The following CYFIP1 variants were observed in gnomAD, a reference collection of about 807,000 sequenced individuals.
The protein encoded by CYFIP1 is cytoplasmic FMR1 interacting protein 1.
In CYFIP1, 58 loss-of-function variants were observed where a neutral mutation model predicts 163.5. That is an observed-to-expected ratio of 0.35 (90% confidence interval 0.29 to 0.44). The LOEUF is 0.44. Ranked by LOEUF, CYFIP1 falls within the 20% of genes least tolerant of loss-of-function variation. CYFIP1 has a pLI of 1.00. For synonymous variants in CYFIP1, 663 were observed against 660.7 expected, an observed-to-expected ratio of 1.00 and a Z score of -0.05; for missense variants, 1,338 against 1,653.8, an observed-to-expected ratio of 0.81 and a Z score of 3.31.
chr15:22,980,180 G>T (rs1004529860), intron 1 of CYFIP1, 107 bp downstream of exon 1: 2 of 149,782 alleles, frequency 1.3e-5, no homozygotes, highest in Non-Finnish European at 3.0e-5. Flanking sequence ...GGGGGGGAGG[G>T]GGGGGTCCGT....
At position 22,903,740 on chromosome 15, in the gene CYFIP1, G is replaced by A; in HGVS notation, c.2554C>T (p.Leu852=). The change falls in exon 22 of 31, where the codon CTG becomes TTG. Residue 852 remains leucine, a synonymous_variant. Transcript: ENST00000617928. ...GAGCCGTTGTAGCAGTAGTTGGGCA[G>A]GAAGTCATAGTTGAGCTCCCAGAAG... ...HVFWELNYDF[L]PNYCYNGSTN... 1.9e-6 allele frequency: 3 copies of A among 1,614,084 alleles called. No homozygotes were observed. Among genetic ancestry groups the A allele is most frequent in the Non-Finnish European group, 2.5e-6 (3 of 1,180,036 alleles).
At chr15:22,928,432 T>TAAAA (rs1175009671) in intron 11 of CYFIP1, among the ~76,000 whole-genome samples, 1 of 117,846 alleles carries the variant, frequency 8.5e-6, no homozygotes, top group African/African-American at 3.3e-5. Flanking sequence ...AATAAATAAA[T>TAAAA]AAAAAGAAAA....
intron 13 of CYFIP1, among the ~76,000 whole-genome samples, chr15:22,922,193 C>T (rs980243076): frequency 2.6e-5 from 4 of 152,072 alleles, no homozygotes; most frequent in Admixed American, 6.6e-5. Flanking sequence ...CCTGGGGCCC[C>T]GGGCCTACTG....
At chr15:22,961,027 T>C (rs1265842755) in intron 1 of CYFIP1, among the ~76,000 whole-genome samples, 7 of 151,646 alleles carry the variant, frequency 4.6e-5, no homozygotes, top group African/African-American at 1.7e-4. Flanking sequence ...TTTATTTATA[T>C]TTTATTTATT....
At chr15:22,921,144 C>T (rs941541671) in intron 13 of CYFIP1, among the ~76,000 whole-genome samples, 2 of 151,950 alleles carry the variant, frequency 1.3e-5, no homozygotes, top group South Asian at 4.2e-4. Context: ...CCGAGGCAGG[C>T]GGATCACAAG....
At chr15:22,920,972 C>T (rs1005811976) in intron 13 of CYFIP1, among the ~76,000 whole-genome samples, 1 of 152,116 alleles carries the variant, frequency 6.6e-6, no homozygotes, top group African/African-American at 2.4e-5. Flanking sequence ...GCTTTAGATG[C>T]ACGCATTAGA....
intron 21 of CYFIP1, 83 bp downstream of exon 21, chr15:22,909,111 G>A (rs1305178393): frequency 3.2e-6 from 5 of 1,560,648 alleles, no homozygotes; most frequent in Non-Finnish European, 4.4e-6. Flanking sequence ...CACGCCCGAT[G>A]AGTGCATCTC....
chr15:22,958,580 G>T (rs2062564472), intron 1 of CYFIP1, among the ~76,000 whole-genome samples: 1 of 152,164 alleles, frequency 6.6e-6, no homozygotes, highest in Admixed American at 6.5e-5. Flanking sequence ...CCCACCTTGG[G>T]GCTGCAGCCC....
In CYFIP1 at chr15:22,943,169, T is replaced by C; in HGVS notation, c.569+4A>G. On this transcript the variant is annotated splice_donor_region_variant and intron_variant, in intron 6 of 30. Transcript: ENST00000617928. ...GGCCCGCAGTGCGCGAGGTGGGTGC[T>C]CACCTCTTGTACGCTGAGTGGTCGT... 1 of 1,613,858 alleles carries C rather than the reference T, an allele frequency of 6.2e-7. No individual in the cohort carries two copies. Among genetic ancestry groups the C allele is most frequent in the Non-Finnish European group, 8.5e-7 (1 of 1,179,848 alleles).
chr15:22,914,680 C>T (rs368970516), intron 17 of CYFIP1, 46 bp downstream of exon 17: 122 of 1,556,348 alleles, frequency 7.8e-5, no homozygotes, highest in South Asian at 1.1e-4. Flanking sequence ...TGAGGACCCC[C>T]GGTCACCACA....
intron 17 of CYFIP1, among the ~76,000 whole-genome samples, chr15:22,912,883 T>C (rs2060832835): frequency 6.6e-6 from 1 of 152,096 alleles, no homozygotes; most frequent in South Asian, 2.1e-4. Flanking sequence ...ATCGTGCCAC[T>C]ACACTCTAGC....
intron 15 of CYFIP1, 77 bp from the exon 16 acceptor site, chr15:22,916,707 T>C (rs779881643): frequency 6.9e-5 from 112 of 1,613,922 alleles, no homozygotes; most frequent in Admixed American, 4.0e-4. Context: ...AAAAAGCCCA[T>C]GAGAGAAGGA....
At chr15:22,944,473 T>C (rs1005558925) in intron 5 of CYFIP1, 85 bp downstream of exon 5, 3 of 867,796 alleles carry the variant, frequency 3.5e-6, no homozygotes, top group South Asian at 1.5e-5. Context: ...CTGTTCAGGG[T>C]GTTCACAGTG....
At chr15:22,878,904 AG>A (rs1313827482) in intron 26 of CYFIP1, among the ~76,000 whole-genome samples, 5 of 152,270 alleles carry the variant, frequency 3.3e-5, no homozygotes, top group Middle Eastern at 3.4e-3. Context: ...TGGGAGACCA[AG>A]GCGGGTGGAT....
chr15:22,943,081 A>T, intron 6 of CYFIP1, 92 bp downstream of exon 6: 1 of 1,277,420 alleles, frequency 7.8e-7, no homozygotes, highest in Non-Finnish European at 1.1e-6. Context: ...TGACGACTTC[A>T]GCAAACAAAG....
chr15:22,903,365 A>G (rs1394415854), intron 22 of CYFIP1, among the ~76,000 whole-genome samples: 2 of 143,442 alleles, frequency 1.4e-5, no homozygotes, highest in Non-Finnish European at 3.1e-5. Flanking sequence ...CATGCTGTCC[A>G]TGGGCGGTGG....
chr15:22,875,902 A>G (rs993769669), intron 26 of CYFIP1, among the ~76,000 whole-genome samples: 6 of 150,128 alleles, frequency 4.0e-5, no homozygotes, highest in African/African-American at 1.5e-4. Flanking sequence ...ATATATAAAG[A>G]AAATGTACCT....
At chr15:22,924,381 G>A (rs1030806693) in intron 13 of CYFIP1, among the ~76,000 whole-genome samples, 2 of 152,150 alleles carry the variant, frequency 1.3e-5, no homozygotes, top group Non-Finnish European at 2.9e-5. Context: ...CTGAGATCAC[G>A]CCACTGCCCT....
At position 22,917,169 on chromosome 15, in the gene CYFIP1, C is replaced by G. The variant is rs2061014488; in HGVS notation, c.1675-539G>C. The G allele has an allele frequency of 7.0e-7, 1 of 1,431,960 alleles. No homozygotes were observed. Among genetic ancestry groups the G allele is most frequent in the African/African-American group, 1.4e-5 (1 of 69,590 alleles). 88.7% of individuals were successfully genotyped at this position (1,431,960 alleles called of 1,614,324 possible). A position where few individuals can be genotyped will look rare whatever the true frequency, so the allele number is the denominator to read the frequency against. On this transcript the variant is annotated intron_variant, in intron 15 of 30. Transcript: ENST00000617928. The surrounding 1 kb of genome is among the most constrained non-coding windows in gnomAD (Gnocchi z 4.2). The stretch of plus-strand genomic sequence containing the variant: ...ACCACGCACAGGCCGAGGGCCGTCC[C>G]CCTGACCCTCCTGCAGAGCCAGCAG...
Sources: gnomAD v4.1 joint callset for allele counts (sites outside exome capture counted in the v4.1 genomes callset) on GRCh38, gnomAD v4.1.1 for gene constraint, Gnocchi (gnomAD v3.1) non-coding constraint, MANE v1.5 for transcripts, NCBI Gene and HGNC (gene_info 2026-07-23, HGNC 2026-07-21) for gene names.